LRRC37A2: variants seen among roughly 807,000 people sequenced by gnomAD.
The protein encoded by LRRC37A2 is leucine rich repeat containing 37 member A2.
A neutral mutation model predicts 68.8 loss-of-function variants in LRRC37A2; 9 were observed. The observed-to-expected ratio is 0.13, with a 90% CI of 0.08 to 0.23. The LOEUF is 0.23. LRRC37A2 is among the 10% of genes least tolerant of loss of function. The pLI is 1.00. For missense variants in LRRC37A2, 168 were observed against 950.4 expected (o/e 0.18, Z 10.82); for synonymous variants, 63 against 367.6 (o/e 0.17, Z 9.48).
chr17:46,817,803 A>G, the LRRC37A2 span, among the ~76,000 whole-genome samples: 1 of 152,184 alleles, frequency 6.6e-6, no homozygotes. Context: ...TCAAAGAACA[A>G]CAAGCCTACC....
chr17:46,390,319 A>G, the LRRC37A2 span, among the ~76,000 whole-genome samples: 1 of 86,348 alleles, frequency 1.2e-5, no homozygotes, highest in Admixed American at 1.1e-4. Context: ...TGTTGGGGGC[A>G]GTGGGGAGTG....
At chr17:46,723,758 CT>C in the LRRC37A2 span, among the ~76,000 whole-genome samples, 1 of 152,204 alleles carries the variant, frequency 6.6e-6, no homozygotes, top group Non-Finnish European at 1.5e-5. Flanking sequence ...ATTCTGTCCA[CT>C]TACCAGCACA....
chr17:46,456,221 TG>T, the LRRC37A2 span, among the ~76,000 whole-genome samples: 1 of 113,662 alleles, frequency 8.8e-6, no homozygotes, highest in African/African-American at 3.1e-5. Flanking sequence ...TGTGTGTGTG[TG>T]TGTGTGTGTG....
At chr17:46,760,648 A>G in the LRRC37A2 span, among the ~76,000 whole-genome samples, 2 of 150,800 alleles carry the variant, frequency 1.3e-5, no homozygotes, top group Non-Finnish European at 2.9e-5. Flanking sequence ...AAAAAAAAAA[A>G]AAGAAAAAAA....
the LRRC37A2 span, among the ~76,000 whole-genome samples, chr17:46,907,734 C>G: frequency 6.7e-6 from 1 of 149,008 alleles, no homozygotes; most frequent in African/African-American, 2.5e-5. Context: ...TGCCTGTGGT[C>G]CCAGCTACTC....
chr17:46,980,790 G>A, the LRRC37A2 span, among the ~76,000 whole-genome samples: 8 of 151,586 alleles, frequency 5.3e-5, no homozygotes, highest in African/African-American at 1.7e-4. Flanking sequence ...CCGAGATCAC[G>A]CCACTGCACT....
At chr17:46,867,467 G>T in the LRRC37A2 span, among the ~76,000 whole-genome samples, 1 of 152,348 alleles carries the variant, frequency 6.6e-6, no homozygotes, top group East Asian at 1.9e-4. Context: ...ACCTCGGAGT[G>T]AGTCAGACCT....
At chr17:46,614,029 AAGAT>A in the LRRC37A2 span, among the ~76,000 whole-genome samples, 2 of 48,384 alleles carry the variant, frequency 4.1e-5, no homozygotes, top group Non-Finnish European at 6.4e-5. Flanking sequence ...AAATAAGTTA[AAGAT>A]AGATCTTGCA....
the LRRC37A2 span, among the ~76,000 whole-genome samples, chr17:46,685,379 A>G: frequency 2.6e-5 from 4 of 151,444 alleles, no homozygotes; most frequent in African/African-American, 7.3e-5. Context: ...GGCTTGATGT[A>G]CTCAGCTAAT....
chr17:46,690,611 C>CAAAAA, the LRRC37A2 span, among the ~76,000 whole-genome samples: 71 of 91,776 alleles, frequency 7.7e-4, 3 homozygotes, highest in Middle Eastern at 5.2e-3. Flanking sequence ...GACTCCGTCT[C>CAAAAA]AAAAAAAAAA....
chr17:46,715,613 A>G, the LRRC37A2 span, among the ~76,000 whole-genome samples: 2 of 152,196 alleles, frequency 1.3e-5, no homozygotes, highest in South Asian at 2.1e-4. Flanking sequence ...TAGTTTTTCT[A>G]TAAAGTTTTT....
At chr17:46,692,313 AC>A in the LRRC37A2 span, among the ~76,000 whole-genome samples, 1 of 108,896 alleles carries the variant, frequency 9.2e-6, no homozygotes, top group Non-Finnish European at 1.8e-5. Context: ...CTTTTTATAA[AC>A]CGTCTCTGTT....
the LRRC37A2 span, chr17:46,768,286 C>CT: frequency 6.2e-7 from 1 of 1,612,512 alleles, no homozygotes. The surrounding 1 kb of genome is among the most constrained non-coding windows in gnomAD (Gnocchi z 5.0). Flanking sequence ...GGCTCCCAGC[C>CT]TCCCCCCTGC....
chr17:46,980,257 T>G, the LRRC37A2 span, among the ~76,000 whole-genome samples: 1 of 152,168 alleles, frequency 6.6e-6, no homozygotes, highest in South Asian at 2.1e-4. Context: ...TTTTAAGGTA[T>G]GGACTACTAC....
At chr17:47,022,560 A>G in the LRRC37A2 span, among the ~76,000 whole-genome samples, 1 of 152,042 alleles carries the variant, frequency 6.6e-6, no homozygotes, top group Non-Finnish European at 1.5e-5. Context: ...AAGTAATGCT[A>G]CTCTGCATTT....
At chr17:47,013,860 C>T in the LRRC37A2 span, among the ~76,000 whole-genome samples, 41 of 152,274 alleles carry the variant, frequency 2.7e-4, no homozygotes, top group African/African-American at 7.9e-4. Flanking sequence ...CAGGGCTGGG[C>T]GCGGTGGCTC....
At chr17:46,978,438 C>T in the LRRC37A2 span, 1 of 556,340 alleles carries the variant, frequency 1.8e-6, no homozygotes, top group Non-Finnish European at 3.0e-6. Flanking sequence ...TCCCACCCCG[C>T]AACGCTGCAG....
At chr17:47,020,517 C>T in the LRRC37A2 span, among the ~76,000 whole-genome samples, 5 of 150,974 alleles carry the variant, frequency 3.3e-5, no homozygotes, top group African/African-American at 4.9e-5. Context: ...TGGTGGCTCA[C>T]GCCTGTAATC....
the LRRC37A2 span, among the ~76,000 whole-genome samples, chr17:46,495,610 C>T: frequency 6.6e-6 from 1 of 150,716 alleles, no homozygotes; most frequent in Non-Finnish European, 1.5e-5. Context: ...GTCTCGAACT[C>T]CTGACCTCAG....
Sources: allele counts gnomAD v4.1 joint callset (sites outside exome capture counted in the v4.1 genomes callset), GRCh38; gene constraint gnomAD v4.1.1; non-coding constraint Gnocchi (gnomAD v3.1); transcripts MANE v1.5; gene names NCBI Gene and HGNC (gene_info 2026-07-23, HGNC 2026-07-21).